The following HIF3A variants were observed in gnomAD, a reference collection of about 807,000 sequenced individuals.
The protein encoded by HIF3A is hypoxia inducible factor 3 subunit alpha, also known as hypoxia-inducible factor 3-alpha.
In HIF3A, 41 loss-of-function variants were observed where a neutral mutation model predicts 67.2. The observed-to-expected ratio is 0.61, with a 90% CI of 0.48 to 0.79. The LOEUF (loss-of-function observed/expected upper bound fraction) is 0.79, where lower values mean the gene tolerates loss of function less well. Among genes scored for constraint, HIF3A ranks in the 30% least tolerant of loss-of-function variants. The probability of loss-of-function intolerance (pLI) is 0.00; values close to 1 mark genes in which losing one functional copy is unlikely to be tolerated. For missense variants in HIF3A, 855 were observed against 898.0 expected, an observed-to-expected ratio of 0.95 and a Z score of 0.61; for synonymous variants, 356 against 374.8, an observed-to-expected ratio of 0.95 and a Z score of 0.58.
chr19:46,320,699 C>T, intron 9 of HIF3A, 138 bp downstream of exon 9: 1 of 641,664 alleles, frequency 1.6e-6, no homozygotes, highest in Non-Finnish European at 2.7e-6. Flanking sequence ...GCCTCCAAAA[C>T]ACACAGCCTC....
At chr19:46,308,356 G>A (rs781202320) in intron 4 of HIF3A, 51 bp downstream of exon 4, 1 of 1,139,458 alleles carries the variant, frequency 8.8e-7, no homozygotes, top group Admixed American at 2.0e-5. Context: ...GGAAGCTGAG[G>A]CTCCACCCCT....
At chr19:46,307,995 CAGACAGATAGATAGAT>C (rs1308023988) in intron 3 of HIF3A, among the ~76,000 whole-genome samples, 31 of 26,930 alleles carry the variant, frequency 1.2e-3, no homozygotes, top group East Asian at 4.4e-3. Context: ...GACAGACAGA[CAGACAGATAGATAGAT>C]AGATAGATGA....
chr19:46,318,690 G>A (rs774483316), intron 8 of HIF3A, among the ~76,000 whole-genome samples: 13 of 151,200 alleles, frequency 8.6e-5, no homozygotes, highest in Non-Finnish European at 1.5e-4. Context: ...GCGTGATCTC[G>A]GCTCACTGCA....
intron 14 of HIF3A, among the ~76,000 whole-genome samples, chr19:46,337,179 C>T (rs143511351): frequency 1.3e-4 from 20 of 151,950 alleles, no homozygotes; most frequent in East Asian, 3.9e-4. Context: ...CTGACGATAT[C>T]GGGGGGAAGA....
chr19:46,321,411 C>T (rs1057393518), intron 9 of HIF3A, among the ~76,000 whole-genome samples: 8 of 152,164 alleles, frequency 5.3e-5, no homozygotes, highest in Admixed American at 3.3e-4. Context: ...TGGTGAAACC[C>T]TGTCTCTATA....
At position 46,316,212 on chromosome 19, in the gene HIF3A, CAGA is replaced by C. The variant is rs199552049; in HGVS notation, c.1025+3562_1025+3564del. On this transcript the variant is annotated intron_variant, in intron 8 of 14. Transcript: ENST00000377670. ...GGCCACTGCACTCCAGCCTGGGCGA[CAGA>C]AGGAGACACCATTTCCAAAAAAAGA... is the stretch of plus-strand genomic sequence containing the variant. 9.8e-3 allele frequency among the ~76,000 whole-genome samples: 1,495 copies of C among 152,212 alleles called. 22 individuals carry two copies. The highest frequency in any genetic ancestry group is 0.029 in the African/African-American group (1,199 of 41,530).
At position 46,298,432 on chromosome 19, in the gene HIF3A, A is replaced by T. The variant is rs564902517; in HGVS notation, c.26+1330A>T. 2.3e-6 allele frequency: 3 copies of T among 1,287,974 alleles called. No homozygotes were observed. In the South Asian group the frequency reaches 3.7e-5, roughly 16 times the overall value. 79.8% of individuals were successfully genotyped at this position (1,287,974 alleles called of 1,614,324 possible). ...CTCACCGCCGTGCGCACCCACTCGT[A>T]ACTCGCACCCGGGTCCTGGCTGCAC... On this transcript the variant is annotated intron_variant, in intron 1 of 14. Coordinates refer to ENST00000377670, the MANE Select transcript of HIF3A (RefSeq NM_152795.4).
chr19:46,312,327 AG>A, intron 7 of HIF3A, 60 bp downstream of exon 7: 1 of 1,612,790 alleles, frequency 6.2e-7, no homozygotes, highest in Non-Finnish European at 8.5e-7. Flanking sequence ...AGCTGACACC[AG>A]GACCCCCCAG....
chr19:46,304,294 T>A, intron 2 of HIF3A: 1 of 575,736 alleles, frequency 1.7e-6, no homozygotes, highest in East Asian at 2.8e-5. Context: ...CTGCTGGGAG[T>A]CCCGCCCCCC....
rs1202650835 is a variant in HIF3A, at chr19:46,342,908, C to G, written c.*3286C>G. On this transcript the variant is annotated 3_prime_UTR_variant, in exon 15 of 15. Coordinates refer to ENST00000377670, the MANE Select transcript of HIF3A (RefSeq NM_152795.4). ...AATCTCTGTGCCCCAGAACCCCCTC[C>G]ACTTCCCACCCCAGCCCTCCAGACA... The G allele has an allele frequency of 1.3e-5, 2 of 152,494 alleles. No homozygotes were observed. The highest frequency in any genetic ancestry group is 2.1e-4 in the South Asian group (1 of 4,836). 9.4% of individuals were successfully genotyped at this position (152,494 alleles called of 1,614,324 possible).
chr19:46,308,475 G>A (rs1048679440), intron 4 of HIF3A, 170 bp downstream of exon 4: 32 of 635,504 alleles, frequency 5.0e-5, no homozygotes, highest in Non-Finnish European at 8.5e-5. Flanking sequence ...CCCTGGGGGG[G>A]TCTGAGGGGA....
chr19:46,298,301 G>T, intron 1 of HIF3A: 1 of 883,850 alleles, frequency 1.1e-6, no homozygotes, highest in Non-Finnish European at 1.6e-6. Context: ...GCCAGCTGTC[G>T]TTCCGCCCCT....
chr19:46,339,483 G>A lies in HIF3A; in HGVS notation c.1913-42G>A, dbSNP rs118153457. The A allele has an allele frequency of 1.4e-3, 1,838 of 1,327,180 alleles. 33 individuals are homozygous for A. The East Asian group carries it at 0.04, about 29-fold the overall frequency. The allele number at this position is 1,327,180 out of a possible 1,614,324, so 82.2% of individuals were successfully genotyped here. ...ATGGTTGTCCTGTGATTTATCTTTCGTCTTTTACCTTTCATTTATCATTTA... is the reference window on the plus strand; with the variant it reads ...ATGGTTGTCCTGTGATTTATCTTTCATCTTTTACCTTTCATTTATCATTTA... On this transcript the variant is annotated intron_variant, in intron 14 of 14. Coordinates refer to ENST00000377670, the MANE Select transcript of HIF3A (RefSeq NM_152795.4).
At chr19:46,323,535 T>A (rs1970542125) in intron 10 of HIF3A, among the ~76,000 whole-genome samples, 1 of 152,118 alleles carries the variant, frequency 6.6e-6, no homozygotes, top group Non-Finnish European at 1.5e-5. Context: ...AAGACTGTTC[T>A]AACAAAAGAC....
At chr19:46,300,187 T>C (rs549896176) in intron 1 of HIF3A, among the ~76,000 whole-genome samples, 1 of 152,300 alleles carries the variant, frequency 6.6e-6, no homozygotes, top group East Asian at 1.9e-4. Flanking sequence ...AATGCTATCA[T>C]TATTACAGTA....
At chr19:46,308,924 C>T (rs1007984410) in intron 5 of HIF3A, 149 bp downstream of exon 5, 7 of 669,362 alleles carry the variant, frequency 1.0e-5, no homozygotes, top group African/African-American at 7.3e-5. Context: ...CTCAGGGCAT[C>T]GAGGAGCATG....
At chr19:46,324,478 C>T (rs934797763) in intron 10 of HIF3A, among the ~76,000 whole-genome samples, 5 of 152,272 alleles carry the variant, frequency 3.3e-5, no homozygotes, top group African/African-American at 4.8e-5. Flanking sequence ...CATCCTTTAC[C>T]CCTGAGACAG....
At chr19:46,308,896 A>G in intron 5 of HIF3A, 121 bp downstream of exon 5, 1 of 719,508 alleles carries the variant, frequency 1.4e-6, no homozygotes, top group South Asian at 1.8e-5. Context: ...GGGCTCACTC[A>G]GGTCAGGTCT....
Position 46,331,289 on chromosome 19 carries a change from A to G in HIF3A, c.1830+16A>G. 2 of 1,594,302 alleles carry G rather than the reference A, an allele frequency of 1.3e-6. No individual in the cohort carries two copies. The highest frequency in any genetic ancestry group is 1.3e-5 in the African/African-American group (1 of 74,508). On this transcript the variant is annotated intron_variant, in intron 13 of 14. Coordinates refer to ENST00000377670, the MANE Select transcript of HIF3A (RefSeq NM_152795.4). The stretch of plus-strand genomic sequence containing the variant: ...TCTCAGCCTGGTGTGTTGGGGGATT[A>G]ATGGGATTCTCTGGCCCTCATTACC...
Sources: allele counts gnomAD v4.1 joint callset (sites outside exome capture counted in the v4.1 genomes callset), GRCh38; gene constraint gnomAD v4.1.1; transcripts MANE v1.5; gene names NCBI Gene and HGNC (gene_info 2026-07-23, HGNC 2026-07-21).